SOS2: variants seen among roughly 807,000 people sequenced by gnomAD.
SOS2 encodes the protein SOS Ras/Rho guanine nucleotide exchange factor 2.
SOS2 carries 65 observed loss-of-function variants against 148.2 expected under a neutral mutation model. The ratio of observed to expected loss-of-function variants is 0.44; its 90% confidence interval spans 0.36 to 0.54. The LOEUF (loss-of-function observed/expected upper bound fraction) is 0.54, where lower values mean the gene tolerates loss of function less well. SOS2 is among the 20% of genes least tolerant of loss of function. The pLI is 0.00. For synonymous variants in SOS2, 539 were observed against 537.1 expected (o/e 1.00, Z -0.05); for missense variants, 1,341 against 1,590.2 (o/e 0.84, Z 2.67).
At chr14:50,161,943 G>T (rs1885023995) in intron 8 of SOS2, among the ~76,000 whole-genome samples, 1 of 151,768 alleles carries the variant, frequency 6.6e-6, no homozygotes, top group African/African-American at 2.4e-5. Flanking sequence ...TAGAGACAGG[G>T]TCTCGCTATG....
chr14:50,184,906 C>T (rs1304822962), intron 5 of SOS2, among the ~76,000 whole-genome samples: 1 of 146,716 alleles, frequency 6.8e-6, no homozygotes, highest in East Asian at 2.0e-4. Flanking sequence ...GGGTGAGAGG[C>T]TAGAGATCAA....
intron 1 of SOS2, among the ~76,000 whole-genome samples, chr14:50,226,055 ATTGT>A (rs1887364460): frequency 1.3e-5 from 2 of 151,354 alleles, no homozygotes; most frequent in Admixed American, 1.3e-4. Context: ...CTTTCAGATA[ATTGT>A]TTACTTCCTT....
chr14:50,149,884 T>G (rs1168232678), intron 14 of SOS2, 124 bp downstream of exon 14: 1 of 709,770 alleles, frequency 1.4e-6, no homozygotes, highest in Non-Finnish European at 2.4e-6. Flanking sequence ...TGACCTTTCC[T>G]CTAAGCCCAT....
At chr14:50,222,268 G>A (rs1395601927) in intron 1 of SOS2, among the ~76,000 whole-genome samples, 3 of 152,156 alleles carry the variant, frequency 2.0e-5, no homozygotes, top group African/African-American at 7.2e-5. Context: ...ATAAAAATGT[G>A]CAAGTTTTTC....
intron 1 of SOS2, chr14:50,215,274 A>G: frequency 1.7e-6 from 1 of 585,628 alleles, no homozygotes; most frequent in Non-Finnish European, 2.6e-6. Context: ...TAAGCTACAA[A>G]GCAATTTGAA....
chr14:50,187,505 G>A (rs962150826), intron 5 of SOS2, among the ~76,000 whole-genome samples: 4 of 151,672 alleles, frequency 2.6e-5, no homozygotes, highest in African/African-American at 9.7e-5. Flanking sequence ...CCACCACTAC[G>A]CCCGGCTAAC....
rs571511945 is a variant in SOS2, at chr14:50,226,125, C to T, written c.87+5072G>A. ...AACACAAGCTTTATAACAGCAGGGG[C>T]TCTGCTACATCTTCCGTATCAAGAA... On this transcript the variant is annotated intron_variant, in intron 1 of 22. Coordinates refer to ENST00000216373, the MANE Select transcript of SOS2 (RefSeq NM_006939.4). 2.6e-5 allele frequency among the ~76,000 whole-genome samples: 4 copies of T among 152,148 alleles called. No individual in the cohort carries two copies. In the South Asian group the frequency reaches 8.3e-4, roughly 32 times the overall value.
chr14:50,134,097 T>TG (rs772114097), intron 19 of SOS2, 26 bp downstream of exon 19: 5 of 1,080,482 alleles, frequency 4.6e-6, no homozygotes, highest in Non-Finnish European at 7.1e-6. Flanking sequence ...ACAGAACACT[T>TG]GTTCCCGAAA....
At chr14:50,198,894 C>A (rs1361171584) in intron 4 of SOS2, among the ~76,000 whole-genome samples, 3 of 152,226 alleles carry the variant, frequency 2.0e-5, no homozygotes, top group Admixed American at 6.5e-5. Flanking sequence ...TGCAGTGGCT[C>A]ATGCCTATAA....
Position 50,157,141 on chromosome 14 carries a change from G to T in SOS2, c.1935-20C>A, listed in dbSNP as rs376985307. 2 of 1,605,162 alleles carry T rather than the reference G, an allele frequency of 1.2e-6. No individual in the cohort carries two copies. On this transcript the variant is annotated intron_variant, in intron 11 of 22. Transcript: ENST00000216373. Reference sequence around the variant, plus strand: ...TCAAACCTAAGAAGAAAAGCAAAAGGAGAAAAATCCGTTCATACATAATGA... The same window carrying T: ...TCAAACCTAAGAAGAAAAGCAAAAGTAGAAAAATCCGTTCATACATAATGA...
chr14:50,162,511 A>G (rs1244287943), intron 8 of SOS2, among the ~76,000 whole-genome samples: 1 of 152,250 alleles, frequency 6.6e-6, no homozygotes, highest in African/African-American at 2.4e-5. Context: ...ATTAGCAACT[A>G]TGAATAGAGA....
chr14:50,144,052 T>C (rs930122530), intron 16 of SOS2, among the ~76,000 whole-genome samples: 1 of 152,206 alleles, frequency 6.6e-6, no homozygotes, highest in East Asian at 1.9e-4. Flanking sequence ...TTAAAGTATA[T>C]AAATACTCAG....
chr14:50,160,092 A>G lies in SOS2; in HGVS notation c.1197-6T>C. On this transcript the variant is annotated splice_region_variant and splice_polypyrimidine_tract_variant and intron_variant, in intron 9 of 22. Transcript: ENST00000216373. The stretch of plus-strand genomic sequence containing the variant: ...AAAAAGGGCAAACAGGATCTCTAGA[A>G]AAAACAAACAATATAGCTTATTCAA... 1 of 1,603,084 alleles carries G rather than the reference A, an allele frequency of 6.2e-7. No homozygotes were observed. Among genetic ancestry groups the G allele is most frequent in the Non-Finnish European group, 8.5e-7 (1 of 1,174,514 alleles).
chr14:50,175,091 T>C (rs1246976537), intron 7 of SOS2, among the ~76,000 whole-genome samples: 2 of 152,240 alleles, frequency 1.3e-5, no homozygotes, highest in Non-Finnish European at 2.9e-5. Flanking sequence ...AGTCAAACTT[T>C]ATTGTTAAAT....
intron 14 of SOS2, 50 bp from the exon 15 acceptor site, chr14:50,145,646 C>T (rs763777746): frequency 1.7e-6 from 2 of 1,191,340 alleles, no homozygotes; most frequent in East Asian, 4.8e-5. Context: ...ATTTGTATTA[C>T]TTAAAGATCT....
chr14:50,142,070 C>T (rs944267684), intron 16 of SOS2, among the ~76,000 whole-genome samples: 3 of 150,042 alleles, frequency 2.0e-5, no homozygotes, highest in African/African-American at 4.9e-5. Context: ...TGCAGTGGTG[C>T]GATCTCGGCT....
At chr14:50,207,304 G>A (rs1243379619) in intron 1 of SOS2, among the ~76,000 whole-genome samples, 3 of 152,022 alleles carry the variant, frequency 2.0e-5, no homozygotes, top group Non-Finnish European at 4.4e-5. Flanking sequence ...CTTGAGGCCA[G>A]GAATTCCAGA....
intron 16 of SOS2, among the ~76,000 whole-genome samples, chr14:50,144,675 T>C (rs888898124): frequency 1.5e-4 from 23 of 152,002 alleles, no homozygotes; most frequent in African/African-American, 1.7e-4. Flanking sequence ...TGAGCTCAGG[T>C]GATCGACCCG....
At chr14:50,172,559 G>C (rs1885403134) in intron 8 of SOS2, among the ~76,000 whole-genome samples, 1 of 151,564 alleles carries the variant, frequency 6.6e-6, no homozygotes, top group Admixed American at 6.6e-5. Context: ...CTAAAAACAT[G>C]ATTTTGCCAT....
Sources: allele counts gnomAD v4.1 joint callset (sites outside exome capture counted in the v4.1 genomes callset), GRCh38; gene constraint gnomAD v4.1.1; transcripts MANE v1.5; gene names NCBI Gene and HGNC (gene_info 2026-07-23, HGNC 2026-07-21).